Variants in DGKB observed in about 807,000 individuals in gnomAD.
The protein encoded by DGKB is diacylglycerol kinase beta.
Under a neutral mutation model 114.3 loss-of-function variants are expected in DGKB, and 67 were observed. That is an observed-to-expected ratio of 0.59 (90% confidence interval 0.48 to 0.72). The LOEUF is 0.72. DGKB is among the 30% of genes least tolerant of loss of function. The probability of loss-of-function intolerance (pLI) is 0.00; values close to 1 mark genes in which losing one functional copy is unlikely to be tolerated. For missense variants in DGKB, 907 were observed against 975.2 expected (o/e 0.93, Z 0.93); for synonymous variants, 398 against 323.1 (o/e 1.23, Z -2.49).
At chr7:14,506,391 GA>G (rs1304621966) in intron 20 of DGKB, among the ~76,000 whole-genome samples, 3 of 151,786 alleles carry the variant, frequency 2.0e-5, no homozygotes, top group African/African-American at 4.8e-5. Context: ...TTCTTAAAGA[GA>G]AAAAAATAGA....
chr7:14,182,487 T>C (rs912661324), intron 23 of DGKB, among the ~76,000 whole-genome samples: 1 of 152,146 alleles, frequency 6.6e-6, no homozygotes, highest in Admixed American at 6.6e-5. Flanking sequence ...TAAAACATTA[T>C]GTCTGAGAAG....
chr7:14,567,167 T>G (rs1189802936), intron 20 of DGKB, among the ~76,000 whole-genome samples: 1 of 97,528 alleles, frequency 1.0e-5, no homozygotes, highest in Non-Finnish European at 1.9e-5. Flanking sequence ...ATTATATTTA[T>G]ATATATTATA....
chr7:14,968,263 T>G (rs114852879), intron 1 of DGKB, among the ~76,000 whole-genome samples: 2,996 of 152,236 alleles, frequency 0.02, 93 homozygotes, highest in African/African-American at 0.066. Flanking sequence ...TTTTTTAAAT[T>G]AGTTTCTAAC....
At chr7:14,176,555 G>C (rs1219373876) in intron 25 of DGKB, 3 of 1,086,216 alleles carry the variant, frequency 2.8e-6, no homozygotes, top group Non-Finnish European at 2.3e-6. Context: ...ATTTTGTTTA[G>C]CTCCATAGTT....
At chr7:14,678,753 G>A (rs1423375153) in intron 12 of DGKB, among the ~76,000 whole-genome samples, 1 of 151,962 alleles carries the variant, frequency 6.6e-6, no homozygotes, top group Non-Finnish European at 1.5e-5. Context: ...TTCTGTTAGG[G>A]AGATGAGCCA....
chr7:14,322,028 A>T (rs1447000262), intron 23 of DGKB, among the ~76,000 whole-genome samples: 1 of 152,216 alleles, frequency 6.6e-6, no homozygotes, highest in Non-Finnish European at 1.5e-5. Context: ...AGACATTAAC[A>T]AACTGATTAA....
chr7:14,419,047 T>C (rs1481572279), intron 21 of DGKB, among the ~76,000 whole-genome samples: 2 of 151,938 alleles, frequency 1.3e-5, no homozygotes, highest in Admixed American at 1.3e-4. Flanking sequence ...ATGATTATTG[T>C]GATTGAGAGA....
intron 23 of DGKB, among the ~76,000 whole-genome samples, chr7:14,186,722 C>T (rs1783499559): frequency 1.3e-5 from 2 of 152,060 alleles, no homozygotes; most frequent in Admixed American, 6.5e-5. Context: ...TTTGCAGTGC[C>T]CTGGATGAGA....
At position 14,339,045 on chromosome 7, in the gene DGKB, T is replaced by G. The variant is rs186868171; in HGVS notation, c.1927-335A>C. On this transcript the variant is annotated intron_variant, in intron 22 of 25. Coordinates refer to ENST00000402815, the MANE Select transcript of DGKB (RefSeq NM_001350709.2). ...AATTTCCAATGTGTTACAAAAAGGTTAATTCTGGAAACTATGGTCAAATTT... is the reference window on the plus strand; with the variant it reads ...AATTTCCAATGTGTTACAAAAAGGTGAATTCTGGAAACTATGGTCAAATTT... Among the ~76,000 whole-genome samples, 309 of 152,134 alleles carry G rather than the reference T, an allele frequency of 2.0e-3. 1 individual carries two copies. The highest frequency in any genetic ancestry group is 3.3e-3 in the Non-Finnish European group (226 of 67,966).
At position 14,345,312 on chromosome 7, in the gene DGKB, C is replaced by T. The variant is rs763782976; in HGVS notation, c.1915G>A (p.Val639Ile). Reference sequence around the variant, plus strand: ...CATTTTTTTCTTACTTCTATTTCTACAGATTCATGTAGCTTCTTGCAGGTG... The same window carrying T: ...CATTTTTTTCTTACTTCTATTTCTATAGATTCATGTAGCTTCTTGCAGGTG... ...SATCKKLHES[V>I]EIECDGVQID... Residue 639 changes from valine to isoleucine, a missense_variant, in exon 22 of 26, where the codon GTA becomes ATA. By Grantham distance (29) the Val-to-Ile change is conservative (BLOSUM62 3). Transcript: ENST00000402815. 4 of 1,534,362 alleles carry T rather than the reference C, an allele frequency of 2.6e-6. No individual in the cohort carries two copies. In the South Asian group the frequency reaches 4.8e-5, roughly 18 times the overall value.
intron 1 of DGKB, among the ~76,000 whole-genome samples, chr7:14,956,120 G>A (rs1786492779): frequency 6.6e-6 from 1 of 151,540 alleles, no homozygotes. Flanking sequence ...CTCATCTCAG[G>A]GTAACTTTAA....
At chr7:14,225,738 A>G (rs1486260252) in intron 23 of DGKB, among the ~76,000 whole-genome samples, 1 of 152,004 alleles carries the variant, frequency 6.6e-6, no homozygotes, top group Non-Finnish European at 1.5e-5. Context: ...AAAAAAAATA[A>G]CAATTAGTGG....
intron 21 of DGKB, among the ~76,000 whole-genome samples, chr7:14,425,548 C>T (rs1387310600): frequency 6.6e-6 from 1 of 152,070 alleles, no homozygotes; most frequent in East Asian, 1.9e-4. Flanking sequence ...ACTACTGGAA[C>T]ACCTATATCC....
intron 23 of DGKB, among the ~76,000 whole-genome samples, chr7:14,185,733 C>A (rs1470204527): frequency 6.6e-6 from 1 of 152,122 alleles, no homozygotes; most frequent in Non-Finnish European, 1.5e-5. Context: ...GCCAACTGAT[C>A]TTTGACAAAA....
chr7:14,499,580 C>T lies in DGKB; in HGVS notation c.1771-21355G>A, dbSNP rs533935701. The stretch of plus-strand genomic sequence containing the variant: ...ATAGATTATCATAATCATAAAATCA[C>T]AAAGGTGGAGCCTCACAGATCATCT... On this transcript the variant is annotated intron_variant, in intron 20 of 25. Transcript: ENST00000402815. 1.2e-4 allele frequency among the ~76,000 whole-genome samples: 18 copies of T among 151,816 alleles called. No individual in the cohort carries two copies. In the East Asian group the frequency reaches 1.7e-3, roughly 15 times the overall value.
intron 23 of DGKB, among the ~76,000 whole-genome samples, chr7:14,240,893 A>T (rs1057251956): frequency 4.6e-5 from 7 of 152,118 alleles, no homozygotes; most frequent in African/African-American, 1.7e-4. Flanking sequence ...TATTCTCCTT[A>T]TTGAATTTGT....
At position 14,311,866 on chromosome 7, in the gene DGKB, C is replaced by T. The variant is rs527953748; in HGVS notation, c.2122+26649G>A. On this transcript the variant is annotated intron_variant, in intron 23 of 25. Transcript: ENST00000402815. ...TAAGCCATTTTCTTCTTAAAGAAGG[C>T]GGGGGAGGTGGTCTCTGGAATATTC... is the stretch of plus-strand genomic sequence containing the variant. Among the ~76,000 whole-genome samples, 101 of 152,118 alleles carry T rather than the reference C, an allele frequency of 6.6e-4. 1 individual carries two copies. The highest frequency in any genetic ancestry group is 9.1e-4 in the Non-Finnish European group (62 of 67,998).
chr7:14,963,844 C>T (rs938909488), intron 1 of DGKB, among the ~76,000 whole-genome samples: 2 of 152,060 alleles, frequency 1.3e-5, no homozygotes, highest in Non-Finnish European at 2.9e-5. Flanking sequence ...AAATTGACCA[C>T]GTTACAGTCA....
chr7:14,775,370 A>C (rs933612909), intron 2 of DGKB, among the ~76,000 whole-genome samples: 15 of 151,914 alleles, frequency 9.9e-5, no homozygotes, highest in Non-Finnish European at 2.1e-4. Context: ...TGTGATATAC[A>C]TACGTTGATA....
Sources: gnomAD v4.1 joint callset for allele counts (sites outside exome capture counted in the v4.1 genomes callset) on GRCh38, gnomAD v4.1.1 for gene constraint, MANE v1.5 for transcripts, NCBI Gene and HGNC (gene_info 2026-07-23, HGNC 2026-07-21) for gene names.